The following KCNMB2 variants were observed in gnomAD, a reference collection of about 807,000 sequenced individuals.
The protein encoded by KCNMB2 is calcium-activated potassium channel subunit beta-2.
In KCNMB2, 9 loss-of-function variants were observed where a neutral mutation model predicts 24.5. That is an observed-to-expected ratio of 0.37 (90% CI 0.22 to 0.64). KCNMB2 has a LOEUF of 0.64. Ranked by LOEUF, KCNMB2 falls within the 30% of genes least tolerant of loss-of-function variation. The pLI, the probability that KCNMB2 is intolerant of heterozygous loss-of-function variation, is 0.63. For synonymous variants in KCNMB2, 109 were observed against 104.4 expected, an observed-to-expected ratio of 1.04 and a Z score of -0.27; for missense variants, 226 against 284.3, an observed-to-expected ratio of 0.79 and a Z score of 1.47.
chr3:178,587,774 CAT>C (rs1373691252), intron 1 of KCNMB2, among the ~76,000 whole-genome samples: 2 of 150,674 alleles, frequency 1.3e-5, no homozygotes, highest in African/African-American at 2.4e-5. Context: ...TTTTAGGGCA[CAT>C]GTGCACAACG....
At chr3:178,751,991 C>T (rs1042682988) in intron 1 of KCNMB2, among the ~76,000 whole-genome samples, 1 of 152,214 alleles carries the variant, frequency 6.6e-6, no homozygotes, top group Non-Finnish European at 1.5e-5. Flanking sequence ...TTAAAGTTAA[C>T]ACCCCAAATA....
At chr3:178,840,812 C>G (rs1715400514) in intron 4 of KCNMB2, among the ~76,000 whole-genome samples, 1 of 152,232 alleles carries the variant, frequency 6.6e-6, no homozygotes, top group African/African-American at 2.4e-5. Context: ...ATGGGAAGAG[C>G]TGCTACAAAA....
intron 1 of KCNMB2, among the ~76,000 whole-genome samples, chr3:178,588,113 C>G (rs1159914360): frequency 2.6e-5 from 4 of 151,998 alleles, no homozygotes; most frequent in African/African-American, 9.7e-5. Flanking sequence ...ATCAGAGGCT[C>G]TTTCTGACCT....
intron 2 of KCNMB2, among the ~76,000 whole-genome samples, chr3:178,823,521 T>G (rs187766667): frequency 1.3e-3 from 204 of 152,262 alleles, no homozygotes; most frequent in East Asian, 2.3e-3. Flanking sequence ...AAAATAATAA[T>G]AAGAAGAAGC....
At chr3:178,803,110 G>A (rs1330706049) in intron 1 of KCNMB2, among the ~76,000 whole-genome samples, 1 of 152,068 alleles carries the variant, frequency 6.6e-6, no homozygotes, top group Non-Finnish European at 1.5e-5. Flanking sequence ...ACCCAGAAAG[G>A]CAAATATTAT....
chr3:178,648,788 T>G (rs542765336), intron 1 of KCNMB2, among the ~76,000 whole-genome samples: 10 of 152,184 alleles, frequency 6.6e-5, no homozygotes, highest in Admixed American at 1.3e-4. Context: ...TATAGACATA[T>G]CTAGGCACCA....
At position 178,667,205 on chromosome 3, in the gene KCNMB2, A is replaced by G. The variant is rs144303303; in HGVS notation, c.-68+130494A>G. Among the ~76,000 whole-genome samples the G allele has an allele frequency of 1.6e-3, 243 of 152,212 alleles. 4 individuals carry two copies. The highest frequency in any genetic ancestry group is 5.1e-3 in the African/African-American group (213 of 41,546). On this transcript the variant is annotated intron_variant, in intron 1 of 4. Transcript: ENST00000452583. The stretch of plus-strand genomic sequence containing the variant: ...ATAGGCCTATTCCAATCTGATTGGT[A>G]TCCTTATAAAAAGAGGAAATTAAGA...
At chr3:178,694,008 C>T (rs4293681) in intron 1 of KCNMB2, among the ~76,000 whole-genome samples, 47,828 of 151,420 alleles carry the variant, frequency 0.32, 8,020 homozygotes, top group African/African-American at 0.43. Context: ...GTGTATTAGT[C>T]TCTTCTCATG....
chr3:178,654,960 G>A (rs1244371325), intron 1 of KCNMB2, among the ~76,000 whole-genome samples: 4 of 152,116 alleles, frequency 2.6e-5, no homozygotes, highest in Non-Finnish European at 4.4e-5. Flanking sequence ...TTCTACCTCA[G>A]AGAGCAGTCA....
intron 1 of KCNMB2, among the ~76,000 whole-genome samples, chr3:178,602,008 C>A (rs923922705): frequency 6.6e-6 from 1 of 152,148 alleles, no homozygotes; most frequent in Non-Finnish European, 1.5e-5. Context: ...TAATAACAGG[C>A]TTCTGCATGA....
intron 1 of KCNMB2, among the ~76,000 whole-genome samples, chr3:178,779,504 A>G (rs1712734886): frequency 6.6e-6 from 1 of 152,190 alleles, no homozygotes; most frequent in Admixed American, 6.5e-5. Flanking sequence ...AAAAGTTCAA[A>G]CGTCATAGTC....
intron 1 of KCNMB2, among the ~76,000 whole-genome samples, chr3:178,664,629 A>G (rs1032838384): frequency 1.3e-5 from 2 of 152,108 alleles, no homozygotes; most frequent in South Asian, 4.1e-4. Context: ...TGTATCTGAA[A>G]GATTCATTTT....
At chr3:178,539,977 C>A (rs988981050) in intron 1 of KCNMB2, among the ~76,000 whole-genome samples, 2 of 152,098 alleles carry the variant, frequency 1.3e-5, no homozygotes, top group Non-Finnish European at 2.9e-5. Context: ...AATTCTAATC[C>A]CTAACCTTGA....
At position 178,614,255 on chromosome 3, in the gene KCNMB2, A is replaced by ATATATC. The variant is rs1369434686; in HGVS notation, c.-68+77549_-68+77550insCTATAT. Among the ~76,000 whole-genome samples the ATATATC allele has an allele frequency of 2.3e-4, 6 of 26,146 alleles. No individual in the cohort carries two copies. In the East Asian group the frequency reaches 7.2e-3, roughly 32 times the overall value. The allele number at this position is 26,146 out of a possible 152,430, so 17.2% of individuals were successfully genotyped here. On this transcript the variant is annotated intron_variant, in intron 1 of 4. Coordinates refer to ENST00000452583, the MANE Select transcript of KCNMB2 (RefSeq NM_181361.3). ...CTAAGACTGGGCTAATTTTATATAT[A>ATATATC]TATATATATATATATATATATATAT... is the stretch of plus-strand genomic sequence containing the variant.
chr3:178,754,958 A>C (rs1032896668), intron 1 of KCNMB2, among the ~76,000 whole-genome samples: 2 of 152,234 alleles, frequency 1.3e-5, no homozygotes, highest in African/African-American at 4.8e-5. Context: ...TTTGGGCATC[A>C]ATCTGCCTTG....
chr3:178,692,208 A>G (rs1721705693), intron 1 of KCNMB2, among the ~76,000 whole-genome samples: 1 of 152,164 alleles, frequency 6.6e-6, no homozygotes, highest in African/African-American at 2.4e-5. Context: ...GTTTACTCTG[A>G]TGATAGTTTC....
chr3:178,838,550 A>G (rs964298760), intron 4 of KCNMB2, among the ~76,000 whole-genome samples: 1 of 146,058 alleles, frequency 6.8e-6, no homozygotes, highest in Non-Finnish European at 1.5e-5. Context: ...TAGTCAAATA[A>G]TTCAATGACT....
chr3:178,819,316 A>G (rs1714532599), intron 2 of KCNMB2, among the ~76,000 whole-genome samples: 2 of 152,224 alleles, frequency 1.3e-5, no homozygotes, highest in African/African-American at 4.8e-5. Flanking sequence ...GTAACCCTAC[A>G]CAGTTCTATA....
At chr3:178,637,502 T>G (rs1719571255) in intron 1 of KCNMB2, among the ~76,000 whole-genome samples, 1 of 152,226 alleles carries the variant, frequency 6.6e-6, no homozygotes, top group African/African-American at 2.4e-5. Context: ...CATTAGTATC[T>G]AATAACATTT....
Sources: gnomAD v4.1 joint callset for allele counts (sites outside exome capture counted in the v4.1 genomes callset) on GRCh38, gnomAD v4.1.1 for gene constraint, MANE v1.5 for transcripts, NCBI Gene and HGNC (gene_info 2026-07-23, HGNC 2026-07-21) for gene names.